LRRK1: variants seen among roughly 807,000 people sequenced by gnomAD.
LRRK1 encodes leucine-rich repeat serine/threonine-protein kinase 1.
In LRRK1, 113 loss-of-function variants were observed where a neutral mutation model predicts 209.1. The observed-to-expected ratio is 0.54, with a 90% CI of 0.46 to 0.63. LRRK1 has a LOEUF of 0.63. Among genes scored for constraint, LRRK1 ranks in the 30% least tolerant of loss-of-function variants. The probability of loss-of-function intolerance (pLI) is 0.00; values close to 1 mark genes in which losing one functional copy is unlikely to be tolerated. For missense variants in LRRK1, 2,284 were observed against 2,632.2 expected (o/e 0.87, Z 2.89); for synonymous variants, 1,144 against 1,099.7 (o/e 1.04, Z -0.80).
intron 6 of LRRK1, among the ~76,000 whole-genome samples, chr15:101,003,224 T>C (rs933536852): frequency 4.6e-5 from 7 of 152,222 alleles, no homozygotes; most frequent in Non-Finnish European, 1.0e-4. Context: ...TTTCCAAGCA[T>C]GTCTATTTTC....
In LRRK1 at chr15:101,022,709, C is replaced by G. The variant is rs1202678989; in HGVS notation, c.2067+112C>G. 2.7e-6 allele frequency: 2 copies of G among 752,890 alleles called. No homozygotes were observed. The highest frequency in any genetic ancestry group is 2.7e-5 in the East Asian group (1 of 37,048). 46.6% of individuals were successfully genotyped at this position (752,890 alleles called of 1,614,324 possible). ...TTTTCTCAGCCTGGTGTCCAAAGCT[C>G]AGGCCCTTTGCAGGAGCCACTGTGT... is the stretch of plus-strand genomic sequence containing the variant. On this transcript the variant is annotated intron_variant, in intron 15 of 33. Transcript: ENST00000388948. This position sits in a 1 kb window ranked among gnomAD's most constrained non-coding sequence, Gnocchi z 4.0.
rs1214551010 is a variant in LRRK1, at chr15:101,022,740, TC to T, written c.2067+145del. 207 of 566,694 alleles carry T rather than the reference TC, an allele frequency of 3.7e-4. 3 individuals carry two copies. The highest frequency in any genetic ancestry group is 1.9e-5 in the Non-Finnish European group (6 of 321,854). 35.1% of individuals were successfully genotyped at this position (566,694 alleles called of 1,614,324 possible). On this transcript the variant is annotated intron_variant, in intron 15 of 33. Coordinates refer to ENST00000388948, the MANE Select transcript of LRRK1 (RefSeq NM_024652.6). This position sits in a 1 kb window ranked among gnomAD's most constrained non-coding sequence, Gnocchi z 4.0. ...CTTTGCAGGAGCCACTGTGTACCAT[TC>T]CATACCAGCTTCTGCCAAGAGCAGC...
intron 21 of LRRK1, 78 bp downstream of exon 21, chr15:101,046,230 C>G: frequency 6.8e-7 from 1 of 1,466,646 alleles, no homozygotes; most frequent in Non-Finnish European, 9.4e-7. Context: ...GGGGAATGCC[C>G]TTTGCTGGGG....
At chr15:101,067,693 C>T (rs2141167313) in intron 33 of LRRK1, among the ~76,000 whole-genome samples, 1 of 152,342 alleles carries the variant, frequency 6.6e-6, no homozygotes, top group East Asian at 1.9e-4. Context: ...GTGACCCTTA[C>T]TCTGTAAGTG....
In LRRK1 at chr15:100,984,478, C is replaced by A. The variant is rs185850471; in HGVS notation, c.433+779C>A. 1.7e-3 allele frequency among the ~76,000 whole-genome samples: 257 copies of A among 149,046 alleles called. 4 individuals carry two copies. In the East Asian group the frequency reaches 0.023, roughly 14 times the overall value. On this transcript the variant is annotated intron_variant, in intron 4 of 33. Transcript: ENST00000388948. ...TCTGTGCTCCACCCCTCCCCTGGCC[C>A]CATCCCTCCCTCCCTCCCTCCCTCC...
At chr15:101,005,805 T>TG (rs943742067) in intron 6 of LRRK1, among the ~76,000 whole-genome samples, 35 of 102,724 alleles carry the variant, frequency 3.4e-4, no homozygotes, top group African/African-American at 2.0e-3. Flanking sequence ...TAATGATACT[T>TG]GGGAAAAAAA....
rs61733312 is a variant in LRRK1, at chr15:101,049,745, C to T, written c.3401C>T (p.Thr1134Met). The T allele has an allele frequency of 1.9e-6, 3 of 1,613,944 alleles. No individual in the cohort carries two copies. Among genetic ancestry groups the T allele is most frequent in the Non-Finnish European group, 2.5e-6 (3 of 1,179,956 alleles). The change falls in exon 23 of 34, where the codon ACG becomes ATG. Residue 1134 changes from threonine to methionine, a missense_variant. This residue lies in a region of LRRK1 where 780 missense variants were observed against 985.2 expected (regional missense o/e 0.79). Coordinates refer to ENST00000388948, the MANE Select transcript of LRRK1 (RefSeq NM_024652.6). ...VRDFSAMAFI[T>M]DHVNSLIDQW... is the part of the protein sequence containing the mutation. ...GACTTCTCAGCCATGGCTTTCATCA[C>T]GGACCACGTCAATTCCTTGATTGAT...
Position 101,024,393 on chromosome 15 carries a change from C to T in LRRK1, c.2068-410C>T, listed in dbSNP as rs2033927755. On this transcript the variant is annotated intron_variant, in intron 15 of 33. Transcript: ENST00000388948. This position sits in a 1 kb window ranked among gnomAD's most constrained non-coding sequence, Gnocchi z 4.6. ...TTCCCAGCATCCTTGGTGGGCGCCA[C>T]CCTCTGAGCCCCACAAGTTCAGAGG... Among the ~76,000 whole-genome samples, 1 of 152,168 alleles carries T rather than the reference C, an allele frequency of 6.6e-6. No individual in the cohort carries two copies.
intron 10 of LRRK1, among the ~76,000 whole-genome samples, chr15:101,014,109 T>C (rs2033416777): frequency 6.6e-6 from 1 of 152,124 alleles, no homozygotes; most frequent in South Asian, 2.1e-4. Flanking sequence ...GGAGCTCCTG[T>C]AGATAGATGG....
chr15:100,978,606 A>G (rs1310795876), intron 3 of LRRK1, among the ~76,000 whole-genome samples: 1 of 152,232 alleles, frequency 6.6e-6, no homozygotes. Flanking sequence ...CAAAAAGATA[A>G]TAAGGGGACA....
At chr15:100,945,433 G>A (rs374309455) in intron 2 of LRRK1, among the ~76,000 whole-genome samples, 3 of 148,152 alleles carry the variant, frequency 2.0e-5, no homozygotes, top group East Asian at 4.0e-4. Flanking sequence ...TTTAGCATGC[G>A]TAAGAAGTAG....
At chr15:100,939,194 G>A (rs1163164364) in intron 2 of LRRK1, among the ~76,000 whole-genome samples, 1 of 152,206 alleles carries the variant, frequency 6.6e-6, no homozygotes, top group African/African-American at 2.4e-5. Context: ...CAGGTTTGTT[G>A]AGTCAGTGCC....
At chr15:100,937,381 T>TTTA (rs1212598159) in intron 2 of LRRK1, among the ~76,000 whole-genome samples, 1 of 152,212 alleles carries the variant, frequency 6.6e-6, no homozygotes, top group East Asian at 1.9e-4. Flanking sequence ...GTTCCCCTTT[T>TTTA]TTATTGGCCT....
At chr15:100,954,150 G>A (rs1173689284) in intron 2 of LRRK1, among the ~76,000 whole-genome samples, 6 of 152,046 alleles carry the variant, frequency 3.9e-5, no homozygotes, top group East Asian at 3.8e-4. Flanking sequence ...TCCTGACCTC[G>A]TGATCTGCCC....
At chr15:100,966,353 A>G (rs1053823758) in intron 2 of LRRK1, among the ~76,000 whole-genome samples, 1 of 151,804 alleles carries the variant, frequency 6.6e-6, no homozygotes, top group Non-Finnish European at 1.5e-5. Context: ...GAACTATTTA[A>G]TTTTTTTTCA....
rs1234746253 is a variant in LRRK1 at position 101,069,390 on chromosome 15, T to A, written c.*542T>A. 1 of 152,730 alleles carries A rather than the reference T, an allele frequency of 6.5e-6. No individual in the cohort carries two copies. Among genetic ancestry groups the A allele is most frequent in the African/African-American group, 2.4e-5 (1 of 41,476 alleles). 9.5% of individuals were successfully genotyped at this position (152,730 alleles called of 1,614,324 possible). A position where few individuals can be genotyped will look rare whatever the true frequency, so the allele number is the denominator to read the frequency against. On this transcript the variant is annotated 3_prime_UTR_variant, in exon 34 of 34. Coordinates refer to ENST00000388948, the MANE Select transcript of LRRK1 (RefSeq NM_024652.6). ...CCAGCTTGGGCAAGCCAAGATCAGA[T>A]GTCTCTGTGTTCGGGAAGGTCTCCG...
chr15:101,049,295 C>T (rs967111686), intron 22 of LRRK1: 4 of 213,734 alleles, frequency 1.9e-5, no homozygotes, highest in South Asian at 1.7e-4. Flanking sequence ...CTGCCTCTTC[C>T]GCATAGATGT....
At chr15:101,040,069 G>A (rs2034674412) in intron 20 of LRRK1, among the ~76,000 whole-genome samples, 1 of 152,122 alleles carries the variant, frequency 6.6e-6, no homozygotes, top group Admixed American at 6.5e-5. Context: ...GACATAGGCT[G>A]TCTTCATAAA....
At chr15:101,031,558 C>G (rs1408157488) in intron 20 of LRRK1, among the ~76,000 whole-genome samples, 2 of 152,208 alleles carry the variant, frequency 1.3e-5, no homozygotes, top group African/African-American at 4.8e-5. Context: ...ATGAATAACA[C>G]TGCTGTAAAC....
Sources: allele counts gnomAD v4.1 joint callset (sites outside exome capture counted in the v4.1 genomes callset), GRCh38; gene constraint gnomAD v4.1.1; regional missense constraint gnomAD v4.1.1; non-coding constraint Gnocchi (gnomAD v3.1); transcripts MANE v1.5; gene names NCBI Gene and HGNC (gene_info 2026-07-23, HGNC 2026-07-21).